Variants in SLC9A7 observed in about 807,000 individuals in gnomAD.
The protein encoded by SLC9A7 is solute carrier family 9 member A7.
In SLC9A7, 19 loss-of-function variants were observed where a neutral mutation model predicts 52.6. That is an observed-to-expected ratio of 0.36 (90% confidence interval 0.25 to 0.53). SLC9A7 has a LOEUF of 0.53. SLC9A7 is among the 20% of genes least tolerant of loss of function. The probability of loss-of-function intolerance (pLI) is 0.91; values close to 1 mark genes in which losing one functional copy is unlikely to be tolerated. For synonymous variants in SLC9A7, 226 were observed against 252.1 expected (o/e 0.90, Z 0.98); for missense variants, 455 against 597.9 (o/e 0.76, Z 2.49).
intron 1 of SLC9A7, among the ~76,000 whole-genome samples, chrX:46,695,332 G>A (rs753856501): frequency 2.7e-5 from 3 of 112,496 alleles, no homozygotes; most frequent in Non-Finnish European, 3.8e-5. Context: ...GAACTGAACT[G>A]ATGTAAGACC....
intron 1 of SLC9A7, among the ~76,000 whole-genome samples, chrX:46,682,825 G>A (rs958921229): frequency 5.5e-5 from 6 of 109,102 alleles, no homozygotes; most frequent in Non-Finnish European, 7.6e-5. Context: ...GTGGAGTCTC[G>A]CTCTCTCACC....
chrX:46,756,048 CAGATT>C (rs1489683023), intron 1 of SLC9A7, among the ~76,000 whole-genome samples: 160 of 109,881 alleles, frequency 1.5e-3, no homozygotes, highest in African/African-American at 5.0e-3. Context: ...CTGTTCTTCT[CAGATT>C]AAAGTGTCAC....
At chrX:46,753,378 G>A (rs1455798698) in intron 1 of SLC9A7, among the ~76,000 whole-genome samples, 2 of 111,771 alleles carry the variant, frequency 1.8e-5, no homozygotes, top group African/African-American at 6.5e-5. Context: ...CATACATCAT[G>A]TTTGTGTATA....
intron 1 of SLC9A7, 73 bp downstream of exon 1, chrX:46,758,632 G>T: frequency 1.5e-6 from 1 of 665,709 alleles, no homozygotes; most frequent in African/African-American, 2.3e-5. Context: ...TGAAGGGGGA[G>T]CACCGCGCGG....
At chrX:46,626,742 T>C (rs191458224) in intron 14 of SLC9A7, among the ~76,000 whole-genome samples, 27 of 112,008 alleles carry the variant, frequency 2.4e-4, no homozygotes, top group African/African-American at 8.1e-4. Context: ...TGGTTAAAAG[T>C]GTGCGGCACT....
intron 5 of SLC9A7, among the ~76,000 whole-genome samples, chrX:46,665,379 T>C (rs1943899297): frequency 9.1e-6 from 1 of 110,253 alleles, no homozygotes; most frequent in African/African-American, 3.3e-5. Context: ...CAAGGGCACT[T>C]AGCACTTGTG....
rs1438172162 is a variant in SLC9A7 at position 46,603,223 on chromosome X, AC to A, written c.*3728del. On this transcript the variant is annotated 3_prime_UTR_variant, in exon 17 of 17. Transcript: ENST00000616978. Reference sequence around the variant, plus strand: ...AAACCATCCCCAACCCACCTTGTTTACATTGGAACTACACTGTCGTAGACAG... The same window carrying A: ...AAACCATCCCCAACCCACCTTGTTTAATTGGAACTACACTGTCGTAGACAG... 1 of 111,480 alleles carries A rather than the reference AC, an allele frequency of 9.0e-6. No homozygotes were observed. The highest frequency in any genetic ancestry group is 3.3e-5 in the African/African-American group (1 of 30,649). The allele number at this position is 111,480 out of a possible 1,213,427, so 9.2% of individuals were successfully genotyped here.
chrX:46,643,323 A>G lies in SLC9A7; in HGVS notation c.1529T>C (p.Met510Thr). ...CACAATGAGAAGGGTGGTCGTGAAC[A>G]TCATCTGGCGAGCATAGGATGCCGT... is the stretch of plus-strand genomic sequence containing the variant. The part of the protein sequence containing the change: ...RDTASYARQM[M>T]FTTTLLIVFF... Residue 510 changes from methionine (M) to threonine (T), a missense_variant, in exon 12 of 17, where the codon ATG (methionine) becomes ACG (threonine). Met to Thr is a moderately conservative substitution (Grantham distance 81, BLOSUM62 -1). This residue lies in a region of SLC9A7 where 304 missense variants were observed against 417.8 expected (regional missense o/e 0.73). Coordinates refer to ENST00000616978, the MANE Select transcript of SLC9A7 (RefSeq NM_001257291.2). 3 of 1,211,366 alleles carry G rather than the reference A, an allele frequency of 2.5e-6. No individual in the cohort carries two copies. The South Asian group carries it at 5.3e-5, about 21-fold the overall frequency.
At chrX:46,664,903 C>A (rs929220229) in intron 5 of SLC9A7, among the ~76,000 whole-genome samples, 2 of 110,301 alleles carry the variant, frequency 1.8e-5, no homozygotes, top group African/African-American at 6.6e-5. Context: ...CAGAAGCATA[C>A]CACACCTGGC....
At chrX:46,721,868 T>C (rs1259585055) in intron 1 of SLC9A7, among the ~76,000 whole-genome samples, 3 of 112,441 alleles carry the variant, frequency 2.7e-5, no homozygotes, top group Admixed American at 9.4e-5. Flanking sequence ...GTGCAGTTAG[T>C]GAAGGCAGTC....
In SLC9A7 at chrX:46,606,412, T is replaced by C. The variant is rs1942743796; in HGVS notation, c.*540A>G. On this transcript the variant is annotated 3_prime_UTR_variant, in exon 17 of 17. Transcript: ENST00000616978. The stretch of plus-strand genomic sequence containing the variant: ...CAGCATAAAGTCAGGAATCCTGATA[T>C]GAGGTTGCAGTCAAGCAGACTTCGT... 2.6e-6 allele frequency: 2 copies of C among 756,277 alleles called. No individual in the cohort carries two copies. Among genetic ancestry groups the C allele is most frequent in the South Asian group, 6.7e-5 (1 of 14,968 alleles). 62.3% of individuals were successfully genotyped at this position (756,277 alleles called of 1,213,427 possible).
rs1177546427 is a variant in SLC9A7 at position 46,656,463 on chromosome X, GAA to G, written c.1042-2751_1042-2750del. On this transcript the variant is annotated intron_variant, in intron 7 of 16. Transcript: ENST00000616978. ...CATTCAAACCAAAGGCAAAGAAGTT[GAA>G]AACTTTGAAAAAAATTTAGAAGAAT... Among the ~76,000 whole-genome samples the G allele has an allele frequency of 1.3e-3, 141 of 112,334 alleles. 1 individual carries two copies. Among genetic ancestry groups the G allele is most frequent in the Middle Eastern group, 4.7e-3 (1 of 214 alleles).
intron 1 of SLC9A7, among the ~76,000 whole-genome samples, chrX:46,707,487 T>C (rs763123184): frequency 3.6e-5 from 4 of 111,703 alleles, no homozygotes; most frequent in Non-Finnish European, 7.5e-5. Context: ...CAAGGTCTAC[T>C]TGGCTGCCCT....
At chrX:46,639,103 AATC>A (rs1222823813) in intron 12 of SLC9A7, among the ~76,000 whole-genome samples, 2 of 112,033 alleles carry the variant, frequency 1.8e-5, no homozygotes, top group African/African-American at 3.2e-5. Flanking sequence ...AAACAAGAAA[AATC>A]ATATGATCAT....
In SLC9A7 at chrX:46,606,813, T is replaced by C; in HGVS notation, c.*139A>G. 8.9e-7 allele frequency: 1 copy of C among 1,128,088 alleles called. No individual in the cohort carries two copies. The highest frequency in any genetic ancestry group is 1.2e-6 in the Non-Finnish European group (1 of 855,817). The allele number at this position is 1,128,088 out of a possible 1,213,427, so 93.0% of individuals were successfully genotyped here. A position where few individuals can be genotyped will look rare whatever the true frequency, so the allele number is the denominator to read the frequency against. Reference sequence around the variant, plus strand: ...TGCATTGTGAGTTAAATTTTAAGTGTTACAATAGCTTCAGACCCCAATAAA... The same window carrying C: ...TGCATTGTGAGTTAAATTTTAAGTGCTACAATAGCTTCAGACCCCAATAAA... On this transcript the variant is annotated 3_prime_UTR_variant, in exon 17 of 17. Coordinates refer to ENST00000616978, the MANE Select transcript of SLC9A7 (RefSeq NM_001257291.2).
At chrX:46,689,670 G>A (rs932745350) in intron 1 of SLC9A7, among the ~76,000 whole-genome samples, 1 of 107,349 alleles carries the variant, frequency 9.3e-6, no homozygotes, top group South Asian at 4.3e-4. Flanking sequence ...TGTTACATAG[G>A]TATACATGTG....
intron 2 of SLC9A7, among the ~76,000 whole-genome samples, chrX:46,681,198 A>G (rs1462731295): frequency 1.8e-5 from 2 of 112,605 alleles, no homozygotes; most frequent in East Asian, 5.5e-4. Context: ...TCTAAAGATA[A>G]GAGAGCAAAA....
chrX:46,738,079 GAAAGAAA>G, intron 1 of SLC9A7, among the ~76,000 whole-genome samples: 1 of 73,100 alleles, frequency 1.4e-5, no homozygotes, highest in South Asian at 6.0e-4. Context: ...AAGAAAGAAA[GAAAGAAA>G]GAAAGAAAGA....
chrX:46,725,536 T>C (rs763663151), intron 1 of SLC9A7: 13 of 941,140 alleles, frequency 1.4e-5, no homozygotes, highest in African/African-American at 3.8e-5. Context: ...GACTGGATGG[T>C]ATAATTGGCT....
Sources: gnomAD v4.1 joint callset for allele counts (sites outside exome capture counted in the v4.1 genomes callset) on GRCh38, gnomAD v4.1.1 for gene constraint, gnomAD v4.1.1 regional missense constraint, MANE v1.5 for transcripts, NCBI Gene and HGNC (gene_info 2026-07-23, HGNC 2026-07-21) for gene names.